The following FBXO36 variants were observed in gnomAD, a reference collection of about 807,000 sequenced individuals.
The protein encoded by FBXO36 is F-box only protein 36.
FBXO36 carries 18 observed loss-of-function variants against 17.0 expected under a neutral mutation model. The observed-to-expected ratio is 1.06, with a 90% CI of 0.73 to 1.57. The LOEUF (loss-of-function observed/expected upper bound fraction) is 1.57, where lower values mean the gene tolerates loss of function less well. Among genes scored for constraint, FBXO36 ranks in the 40% most tolerant of loss-of-function variants. The pLI, the probability that FBXO36 is intolerant of heterozygous loss-of-function variation, is 0.00. For missense variants in FBXO36, 229 were observed against 221.9 expected (o/e 1.03, Z -0.20); for synonymous variants, 83 against 85.3 (o/e 0.97, Z 0.15).
At chr2:229,982,778 CAAAAA>C (rs58999886) in intron 2 of FBXO36, among the ~76,000 whole-genome samples, 4 of 78,752 alleles carry the variant, frequency 5.1e-5, no homozygotes, top group Non-Finnish European at 5.1e-5. Flanking sequence ...GAGCTTGTCT[CAAAAA>C]AAAAAAAAAA....
chr2:229,976,189 C>A, intron 1 of FBXO36, 52 bp from the exon 2 acceptor site: 1 of 1,375,842 alleles, frequency 7.3e-7, no homozygotes, highest in Admixed American at 2.1e-5. Flanking sequence ...CTTAATGTAA[C>A]TGTTAGTATT....
chr2:229,927,799 A>G (rs541434986), intron 1 of FBXO36, among the ~76,000 whole-genome samples: 1 of 152,224 alleles, frequency 6.6e-6, no homozygotes, highest in African/African-American at 2.4e-5. Flanking sequence ...AAAAATGGCA[A>G]TTATTTTTGA....
chr2:229,964,800 T>G (rs1047471761), intron 1 of FBXO36, among the ~76,000 whole-genome samples: 4 of 152,210 alleles, frequency 2.6e-5, no homozygotes, highest in African/African-American at 9.7e-5. Flanking sequence ...ATTACAGGCG[T>G]GAGCCACCGC....
At chr2:229,991,084 C>A (rs1029249534) in intron 2 of FBXO36, among the ~76,000 whole-genome samples, 1 of 151,912 alleles carries the variant, frequency 6.6e-6, no homozygotes, top group Non-Finnish European at 1.5e-5. Context: ...TGCAGGCAAG[C>A]ACCACCATGC....
chr2:229,980,645 G>A (rs571492478), intron 2 of FBXO36, among the ~76,000 whole-genome samples: 2 of 151,744 alleles, frequency 1.3e-5, no homozygotes, highest in Non-Finnish European at 2.9e-5. Context: ...ACTGGGGGAG[G>A]GGATTCACTT....
chr2:229,938,753 A>G (rs1186571351), intron 1 of FBXO36, among the ~76,000 whole-genome samples: 1 of 93,098 alleles, frequency 1.1e-5, no homozygotes, highest in Non-Finnish European at 2.2e-5. Context: ...CCCCCAAAAA[A>G]CCTTTTTTTT....
chr2:230,000,355 CAAAAAAAAAAAA>C (rs3086348), intron 3 of FBXO36, among the ~76,000 whole-genome samples: 1 of 77,460 alleles, frequency 1.3e-5, no homozygotes, highest in African/African-American at 5.0e-5. Flanking sequence ...GAGACTGTCT[CAAAAAAAAAAAA>C]AAAAAAAAAA....
In FBXO36 at chr2:229,995,592, CTTTCTTTT is replaced by C. The variant is rs1285923362; in HGVS notation, c.206-1155_206-1148del. Among the ~76,000 whole-genome samples, 528 of 114,538 alleles carry C rather than the reference CTTTCTTTT, an allele frequency of 4.6e-3. 9 individuals are homozygous for C. The highest frequency in any genetic ancestry group is 0.016 in the African/African-American group (501 of 31,470). 75.1% of individuals were successfully genotyped at this position (114,538 alleles called of 152,430 possible). A position where few individuals can be genotyped will look rare whatever the true frequency, so the allele number is the denominator to read the frequency against. On this transcript the variant is annotated intron_variant, in intron 2 of 3. Coordinates refer to ENST00000283946, the MANE Select transcript of FBXO36 (RefSeq NM_174899.5). ...TTTCTTTCTTTCTTTCTCTTTCTTT[CTTTCTTTT>C]TTTTTTTTTTGGACAGAATTTCGCT...
chr2:229,955,959 A>G (rs73103572), intron 1 of FBXO36, among the ~76,000 whole-genome samples: 1,756 of 152,334 alleles, frequency 0.012, 32 homozygotes, highest in African/African-American at 0.039. Flanking sequence ...ACTTCCTTGC[A>G]TCTTGCTTTA....
At position 229,957,509 on chromosome 2, in the gene FBXO36, G is replaced by A. The variant is rs532837619; in HGVS notation, c.97-18732G>A. ...GGAGAATTGCTTGAACCCGGGATGC[G>A]GAGGTTGCAGTGAGCCGAGATCGCA... On this transcript the variant is annotated intron_variant, in intron 1 of 3. Transcript: ENST00000283946. Among the ~76,000 whole-genome samples the A allele has an allele frequency of 3.7e-4, 56 of 152,240 alleles. 1 individual carries two copies. The highest frequency in any genetic ancestry group is 1.4e-3 in the East Asian group (7 of 5,178).
chr2:229,939,175 T>G (rs1235473411), intron 1 of FBXO36: 6 of 948,662 alleles, frequency 6.3e-6, no homozygotes, highest in Non-Finnish European at 7.5e-6. Flanking sequence ...TGCTTCAGCC[T>G]CCCAAGTATC....
At chr2:229,984,631 G>A (rs1164436884) in intron 2 of FBXO36, among the ~76,000 whole-genome samples, 3 of 151,718 alleles carry the variant, frequency 2.0e-5, no homozygotes, top group African/African-American at 7.3e-5. Flanking sequence ...CTTGTGATCC[G>A]CCCGCCTCAG....
intron 1 of FBXO36, among the ~76,000 whole-genome samples, chr2:229,969,108 T>C (rs1180068063): frequency 6.6e-6 from 1 of 152,168 alleles, no homozygotes; most frequent in Non-Finnish European, 1.5e-5. Context: ...GAGTAAATTC[T>C]GTTAAGCATT....
intron 1 of FBXO36, among the ~76,000 whole-genome samples, chr2:229,935,315 C>T (rs997440239): frequency 3.9e-5 from 6 of 152,128 alleles, no homozygotes; most frequent in Non-Finnish European, 8.8e-5. Flanking sequence ...AATCTTGGAA[C>T]ATTGACAGTT....
intron 2 of FBXO36, among the ~76,000 whole-genome samples, chr2:229,984,356 C>CA (rs575731960): frequency 3.1e-4 from 47 of 150,202 alleles, no homozygotes; most frequent in South Asian, 6.4e-4. Flanking sequence ...CAAAAACAAA[C>CA]AAAAAAAATC....
intron 1 of FBXO36, among the ~76,000 whole-genome samples, chr2:229,942,245 G>A (rs781021485): frequency 2.0e-5 from 3 of 152,110 alleles, no homozygotes; most frequent in East Asian, 1.9e-4. Flanking sequence ...CTTCCCCCAC[G>A]CACCACAACC....
At chr2:229,941,251 C>T (rs1198848407) in intron 1 of FBXO36, among the ~76,000 whole-genome samples, 1 of 151,934 alleles carries the variant, frequency 6.6e-6, no homozygotes, top group African/African-American at 2.4e-5. Context: ...GTCAGGAGAT[C>T]GAGACCATCC....
At chr2:229,953,392 C>A (rs1213004681) in intron 1 of FBXO36, among the ~76,000 whole-genome samples, 2 of 151,048 alleles carry the variant, frequency 1.3e-5, no homozygotes, top group East Asian at 3.9e-4. Context: ...AAAAAAATTT[C>A]TTGGCAGGTG....
intron 1 of FBXO36, among the ~76,000 whole-genome samples, chr2:229,929,570 A>AAAAAAG (rs941802625): frequency 6.6e-6 from 1 of 151,758 alleles, no homozygotes; most frequent in African/African-American, 2.4e-5. Context: ...TGTTTCAAAA[A>AAAAAAG]AAAAAGAAAA....
Sources: allele counts gnomAD v4.1 joint callset (sites outside exome capture counted in the v4.1 genomes callset), GRCh38; gene constraint gnomAD v4.1.1; transcripts MANE v1.5; gene names NCBI Gene and HGNC (gene_info 2026-07-23, HGNC 2026-07-21).